Variants in SDCCAG8 observed in about 807,000 individuals in gnomAD.
SDCCAG8 encodes the protein serologically defined colon cancer antigen 8.
Under a neutral mutation model 101.8 loss-of-function variants are expected in SDCCAG8, and 74 were observed. That is an observed-to-expected ratio of 0.73 (90% CI 0.60 to 0.88). The LOEUF (loss-of-function observed/expected upper bound fraction) is 0.88, where lower values mean the gene tolerates loss of function less well. Ranked by LOEUF, SDCCAG8 falls within the 40% of genes least tolerant of loss-of-function variation. The pLI, the probability that SDCCAG8 is intolerant of heterozygous loss-of-function variation, is 0.00. For synonymous variants in SDCCAG8, 281 were observed against 292.9 expected, an observed-to-expected ratio of 0.96 and a Z score of 0.41; for missense variants, 787 against 822.6, an observed-to-expected ratio of 0.96 and a Z score of 0.53.
At chr1:243,384,590 C>CCACACACACA (rs113914411) in intron 13 of SDCCAG8, among the ~76,000 whole-genome samples, 225 of 149,442 alleles carry the variant, frequency 1.5e-3, no homozygotes, top group African/African-American at 3.6e-3. Context: ...TGTTTAAAAA[C>CCACACACACA]CACACACACA....
chr1:243,413,362 C>T (rs1035992641), intron 13 of SDCCAG8, among the ~76,000 whole-genome samples: 4 of 152,070 alleles, frequency 2.6e-5, no homozygotes, highest in Admixed American at 6.5e-5. Flanking sequence ...TGCACCACCA[C>T]GCCCAGCTAA....
intron 4 of SDCCAG8, among the ~76,000 whole-genome samples, chr1:243,282,666 T>G (rs370235755): frequency 1.2e-4 from 18 of 152,344 alleles, no homozygotes; most frequent in African/African-American, 4.3e-4. Flanking sequence ...TTTTGAAGGT[T>G]AATCTTGCTG....
chr1:243,447,022 C>T (rs1258652338), intron 16 of SDCCAG8, among the ~76,000 whole-genome samples: 5 of 152,030 alleles, frequency 3.3e-5, no homozygotes, highest in South Asian at 2.1e-4. Flanking sequence ...GAGGCTGAGG[C>T]GGGCAGATCA....
At chr1:243,384,740 C>G (rs1013711812) in intron 13 of SDCCAG8, among the ~76,000 whole-genome samples, 15 of 151,636 alleles carry the variant, frequency 9.9e-5, no homozygotes, top group Admixed American at 8.5e-4. Flanking sequence ...CCCAGGAGTT[C>G]AAGGCCATCC....
At chr1:243,347,892 A>G (rs2075811768) in intron 12 of SDCCAG8, among the ~76,000 whole-genome samples, 1 of 152,188 alleles carries the variant, frequency 6.6e-6, no homozygotes, top group Admixed American at 6.5e-5. Flanking sequence ...AAGTGAAAAT[A>G]CAGGACCCTT....
intron 4 of SDCCAG8, among the ~76,000 whole-genome samples, chr1:243,284,034 G>A (rs1180929148): frequency 1.3e-5 from 2 of 152,132 alleles, no homozygotes; most frequent in African/African-American, 2.4e-5. Context: ...GTGAGCCACC[G>A]TGCCTGGCCT....
chr1:243,469,826 G>A (rs1660854765), intron 16 of SDCCAG8, among the ~76,000 whole-genome samples: 1 of 136,710 alleles, frequency 7.3e-6, no homozygotes. Context: ...TTGCGAAAGT[G>A]TTGGTTTTTT....
chr1:243,318,129 A>G (rs2783972), intron 9 of SDCCAG8: 229,735 of 454,122 alleles, frequency 0.51, 61,301 homozygotes, highest in East Asian at 0.75. Flanking sequence ...GACAGATTGT[A>G]TAAAGAAAAT....
rs11344816 is a variant in SDCCAG8, at chr1:243,275,856, GTTTTTTTTTTTTT to G, written c.420+1216_420+1228del. 5.8e-3 allele frequency among the ~76,000 whole-genome samples: 344 copies of G among 59,184 alleles called. 5 individuals are homozygous for G. The highest frequency in any genetic ancestry group is 0.026 in the African/African-American group (321 of 12,536). The allele number at this position is 59,184 out of a possible 152,430, so 38.8% of individuals were successfully genotyped here. On this transcript the variant is annotated intron_variant, in intron 4 of 17. Transcript: ENST00000366541. ...TGGGAGAGAGAGATCTTGAACCAAT[GTTTTTTTTTTTTT>G]TTTTTTTTTTTTTTTGATGGAGTCT...
intron 17 of SDCCAG8, among the ~76,000 whole-genome samples, chr1:243,489,407 G>A (rs1665830950): frequency 6.6e-6 from 1 of 152,208 alleles, no homozygotes; most frequent in South Asian, 2.1e-4. Flanking sequence ...AAGTTGCGCC[G>A]TGCAGGCTGC....
In SDCCAG8 at chr1:243,293,122, G is replaced by A. The variant is rs750128305; in HGVS notation, c.578G>A (p.Gly193Asp). The A allele has an allele frequency of 6.2e-7, 1 of 1,614,000 alleles. No homozygotes were observed. The highest frequency in any genetic ancestry group is 8.5e-7 in the Non-Finnish European group (1 of 1,180,002). ...GNMHNSWITT[G>D]EDSGVGETSK... ...ATGCACAATTCTTGGATTACAACAG[G>A]TGAAGATTCTGGGGTGGGCGAAACC... Residue 193 changes from glycine to aspartate, a missense_variant, in exon 6 of 18, where the codon GGT becomes GAT. Transcript: ENST00000366541.
chr1:243,409,814 GCT>G, intron 13 of SDCCAG8, among the ~76,000 whole-genome samples: 1 of 152,132 alleles, frequency 6.6e-6, no homozygotes. Context: ...AGAAGGGAAA[GCT>G]CTTTCTTATA....
intron 9 of SDCCAG8, among the ~76,000 whole-genome samples, chr1:243,319,792 TAACTC>T (rs1283983154): frequency 6.6e-6 from 1 of 152,196 alleles, no homozygotes; most frequent in Non-Finnish European, 1.5e-5. Flanking sequence ...TCAGCTTCCT[TAACTC>T]TACTATATCC....
intron 4 of SDCCAG8, among the ~76,000 whole-genome samples, chr1:243,277,670 T>A (rs970490322): frequency 6.6e-6 from 1 of 152,194 alleles, no homozygotes; most frequent in African/African-American, 2.4e-5. Context: ...ACTTACCAAT[T>A]TTTTTCTTTC....
At chr1:243,331,675 T>TA (rs1183943872) in intron 10 of SDCCAG8, among the ~76,000 whole-genome samples, 2 of 152,176 alleles carry the variant, frequency 1.3e-5, no homozygotes, top group Admixed American at 6.5e-5. Flanking sequence ...TCTCTGCTGG[T>TA]AAAAATCACA....
chr1:243,341,208 A>C (rs753190897), intron 11 of SDCCAG8, 35 bp downstream of exon 11: 1 of 1,610,028 alleles, frequency 6.2e-7, no homozygotes, highest in South Asian at 1.1e-5. Context: ...TCGTTACTTA[A>C]GGAAATATTT....
intron 11 of SDCCAG8, among the ~76,000 whole-genome samples, chr1:243,343,037 C>T (rs1356963648): frequency 6.6e-6 from 1 of 152,218 alleles, no homozygotes; most frequent in Non-Finnish European, 1.5e-5. Flanking sequence ...CCACAGTACA[C>T]TGCAGTCCTG....
intron 12 of SDCCAG8, among the ~76,000 whole-genome samples, chr1:243,377,970 A>G (rs1390005766): frequency 6.6e-6 from 1 of 151,378 alleles, no homozygotes; most frequent in African/African-American, 2.4e-5. Context: ...TATGGCCTAT[A>G]TAAGATATTT....
At chr1:243,310,225 AAT>A (rs993730219) in intron 8 of SDCCAG8, among the ~76,000 whole-genome samples, 86 of 152,180 alleles carry the variant, frequency 5.7e-4, no homozygotes, top group African/African-American at 2.0e-3. Context: ...TTAAGTATTC[AAT>A]ATGTTGTTAA....
Sources: allele counts gnomAD v4.1 joint callset (sites outside exome capture counted in the v4.1 genomes callset), GRCh38; gene constraint gnomAD v4.1.1; transcripts MANE v1.5; gene names NCBI Gene and HGNC (gene_info 2026-07-23, HGNC 2026-07-21).